The following UBXN2B variants were observed in gnomAD, a reference collection of about 807,000 sequenced individuals.
UBXN2B encodes UBX domain-containing protein 2B.
A neutral mutation model predicts 37.5 loss-of-function variants in UBXN2B; 19 were observed. The ratio of observed to expected loss-of-function variants is 0.51; its 90% CI spans 0.35 to 0.74. The LOEUF (loss-of-function observed/expected upper bound fraction) is 0.74, where lower values mean the gene tolerates loss of function less well. Ranked by LOEUF, UBXN2B falls within the 30% of genes least tolerant of loss-of-function variation. The pLI, the probability that UBXN2B is intolerant of heterozygous loss-of-function variation, is 0.01. For missense variants in UBXN2B, 370 were observed against 393.2 expected (o/e 0.94, Z 0.50); for synonymous variants, 145 against 143.8 (o/e 1.01, Z -0.06).
intron 3 of UBXN2B, among the ~76,000 whole-genome samples, chr8:58,432,240 T>C (rs947259099): frequency 6.6e-6 from 1 of 152,166 alleles, no homozygotes; most frequent in South Asian, 2.1e-4. Context: ...CTATGATCTA[T>C]TTGAATTTTT....
At chr8:58,425,611 A>G in intron 2 of UBXN2B, 3 of 1,088,400 alleles carry the variant, frequency 2.8e-6, no homozygotes, top group Non-Finnish European at 4.2e-6. Flanking sequence ...CTGTTGTTGT[A>G]GTGTCTCAAA....
intron 5 of UBXN2B, among the ~76,000 whole-genome samples, chr8:58,435,636 CAA>C (rs1808393819): frequency 6.6e-6 from 1 of 152,010 alleles, no homozygotes; most frequent in African/African-American, 2.4e-5. Context: ...ATAGTGGAAA[CAA>C]AGAACATATT....
intron 1 of UBXN2B, among the ~76,000 whole-genome samples, chr8:58,412,555 A>C (rs1205996059): frequency 6.6e-6 from 1 of 152,234 alleles, no homozygotes; most frequent in African/African-American, 2.4e-5. Context: ...TTAATGTAGA[A>C]TAGTTCCAGC....
chr8:58,437,567 C>A (rs1436133941), intron 5 of UBXN2B, among the ~76,000 whole-genome samples: 1 of 151,970 alleles, frequency 6.6e-6, no homozygotes, highest in Non-Finnish European at 1.5e-5. Context: ...TTATGATCCA[C>A]CTGCCTTGGC....
chr8:58,424,698 G>A (rs1417539558), intron 2 of UBXN2B: 4 of 1,294,528 alleles, frequency 3.1e-6, no homozygotes, highest in Admixed American at 3.4e-5. Context: ...GGGGGGGGGG[G>A]CTCTGATCTC....
At chr8:58,421,423 T>C (rs1292298789) in intron 2 of UBXN2B, among the ~76,000 whole-genome samples, 3 of 152,044 alleles carry the variant, frequency 2.0e-5, no homozygotes, top group Non-Finnish European at 4.4e-5. Flanking sequence ...AGATAACTCT[T>C]TCACCCCAAA....
At chr8:58,415,106 A>G (rs553019573) in intron 1 of UBXN2B, among the ~76,000 whole-genome samples, 1 of 152,272 alleles carries the variant, frequency 6.6e-6, no homozygotes, top group South Asian at 2.1e-4. Context: ...AGTTGGGGAA[A>G]TAAAACAGCA....
chr8:58,414,288 T>C (rs1245974486), intron 1 of UBXN2B, among the ~76,000 whole-genome samples: 1 of 152,154 alleles, frequency 6.6e-6, no homozygotes, highest in Admixed American at 6.5e-5. Flanking sequence ...GGTTCTAGAG[T>C]AGAGTTTAAG....
intron 5 of UBXN2B, among the ~76,000 whole-genome samples, chr8:58,435,560 G>A (rs1203781322): frequency 6.6e-6 from 1 of 152,174 alleles, no homozygotes; most frequent in Non-Finnish European, 1.5e-5. Context: ...GAGCAACTAG[G>A]TGGGGGAAGT....
intron 6 of UBXN2B, 119 bp from the exon 7 acceptor site, chr8:58,445,788 A>C: frequency 1.2e-6 from 1 of 801,886 alleles, no homozygotes; most frequent in Non-Finnish European, 1.8e-6. Context: ...TAATATAATG[A>C]AAGAGGTTGA....
intron 2 of UBXN2B, chr8:58,426,049 A>T: frequency 3.6e-6 from 5 of 1,385,664 alleles, no homozygotes; most frequent in Non-Finnish European, 5.1e-6. Context: ...CAGAGGCAGG[A>T]TCTGCACAGT....
chr8:58,442,872 G>C (rs571071442), intron 6 of UBXN2B, among the ~76,000 whole-genome samples: 1 of 152,190 alleles, frequency 6.6e-6, no homozygotes, highest in East Asian at 1.9e-4. Context: ...TTGTCCTACT[G>C]TTCTCTTCAA....
At chr8:58,436,711 T>C (rs1483928241) in intron 5 of UBXN2B, among the ~76,000 whole-genome samples, 1 of 152,122 alleles carries the variant, frequency 6.6e-6, no homozygotes, top group Non-Finnish European at 1.5e-5. Context: ...AGCTGATTGT[T>C]TAAAAGAGCC....
chr8:58,433,863 G>A (rs1211151145), intron 4 of UBXN2B, among the ~76,000 whole-genome samples: 1 of 152,070 alleles, frequency 6.6e-6, no homozygotes, highest in Non-Finnish European at 1.5e-5. Context: ...AATGAGGTGA[G>A]GTGTAAATGA....
chr8:58,424,307 C>T (rs865803844), intron 2 of UBXN2B, among the ~76,000 whole-genome samples: 16 of 151,330 alleles, frequency 1.1e-4, no homozygotes, highest in Middle Eastern at 3.5e-3. Flanking sequence ...TAACTGCTTC[C>T]TCAATTTAAA....
intron 2 of UBXN2B, chr8:58,424,645 G>A: frequency 8.2e-7 from 1 of 1,221,760 alleles, no homozygotes; most frequent in Non-Finnish European, 1.2e-6. Context: ...CTCTAGCACT[G>A]TCTGCTCTCA....
chr8:58,425,045 G>T (rs902034774), intron 2 of UBXN2B: 3 of 782,254 alleles, frequency 3.8e-6, no homozygotes, highest in Admixed American at 1.7e-5. Context: ...TGCTTATGGT[G>T]CACCTCCTCC....
chr8:58,443,388 T>TA (rs1206512194), intron 6 of UBXN2B, among the ~76,000 whole-genome samples: 1 of 152,178 alleles, frequency 6.6e-6, no homozygotes, highest in Non-Finnish European at 1.5e-5. Context: ...TTTTCTTTCT[T>TA]AAAAAATTTT....
intron 4 of UBXN2B, 71 bp downstream of exon 4, chr8:58,433,314 TTAAGAATTGA>T: frequency 8.0e-7 from 1 of 1,251,620 alleles, no homozygotes; most frequent in East Asian, 2.4e-5. Context: ...GGTTTTAAAA[TTAAGAATTGA>T]TAATACAAAT....
Sources: gnomAD v4.1 joint callset for allele counts (sites outside exome capture counted in the v4.1 genomes callset) on GRCh38, gnomAD v4.1.1 for gene constraint, MANE v1.5 for transcripts, NCBI Gene and HGNC (gene_info 2026-07-23, HGNC 2026-07-21) for gene names.